MYO3A: variants seen among roughly 807,000 people sequenced by gnomAD.
MYO3A encodes myosin-IIIa.
Under a neutral mutation model 192.7 loss-of-function variants are expected in MYO3A, and 180 were observed. That is an observed-to-expected ratio of 0.93 (90% CI 0.83 to 1.06). The LOEUF (loss-of-function observed/expected upper bound fraction) is 1.06. Ranked by LOEUF, MYO3A falls within the 50% of genes least tolerant of loss-of-function variation. The pLI is 0.00. For missense variants in MYO3A, 1,896 were observed against 1,905.0 expected, an observed-to-expected ratio of 1.00 and a Z score of 0.09; for synonymous variants, 628 against 645.3, an observed-to-expected ratio of 0.97 and a Z score of 0.41.
intron 10 of MYO3A, among the ~76,000 whole-genome samples, chr10:26,029,252 A>G (rs1250985627): frequency 2.0e-5 from 3 of 151,808 alleles, no homozygotes; most frequent in Non-Finnish European, 4.4e-5. Context: ...AGTCTTGTTT[A>G]TCCTGTTAAA....
intron 6 of MYO3A, 132 bp downstream of exon 6, chr10:25,997,390 A>G: frequency 4.1e-6 from 3 of 739,780 alleles, no homozygotes; most frequent in Non-Finnish European, 7.1e-6. Flanking sequence ...TTATTGAGGT[A>G]AGAAGTGCAG....
chr10:25,940,659 C>T (rs978868502), intron 2 of MYO3A, among the ~76,000 whole-genome samples: 6 of 152,080 alleles, frequency 3.9e-5, no homozygotes, highest in East Asian at 3.9e-4. Context: ...TGAAAAATAC[C>T]TTCATTTTGC....
intron 6 of MYO3A, among the ~76,000 whole-genome samples, chr10:26,016,408 C>G (rs1427873352): frequency 6.6e-6 from 1 of 152,208 alleles, no homozygotes; most frequent in Non-Finnish European, 1.5e-5. Context: ...CATTCTCAAA[C>G]TCACTGGAAT....
At chr10:25,954,851 T>C (rs1837437224) in intron 3 of MYO3A, 23 bp from the exon 4 acceptor site, 29 of 1,607,236 alleles carry the variant, frequency 1.8e-5, no homozygotes, top group Non-Finnish European at 2.4e-5. Context: ...CACAGTTCTA[T>C]TCTTATGACT....
chr10:26,075,707 GTCTC>G (rs1237792218), intron 14 of MYO3A, among the ~76,000 whole-genome samples: 10 of 136,520 alleles, frequency 7.3e-5, no homozygotes, highest in East Asian at 4.1e-4. Flanking sequence ...ATATATATAT[GTCTC>G]TCTCATATAT....
chr10:26,183,262 C>T (rs1032152670), intron 31 of MYO3A, among the ~76,000 whole-genome samples: 1 of 152,298 alleles, frequency 6.6e-6, no homozygotes, highest in Non-Finnish European at 1.5e-5. Context: ...TGGTGGCTCA[C>T]GCCTGTAATC....
chr10:25,945,124 C>T (rs904100899), intron 2 of MYO3A, among the ~76,000 whole-genome samples: 6 of 151,930 alleles, frequency 3.9e-5, no homozygotes, highest in African/African-American at 1.2e-4. Flanking sequence ...TCAGTTTTCT[C>T]TTGTAATTTC....
chr10:26,193,356 C>T, intron 32 of MYO3A, 45 bp downstream of exon 32: 1 of 1,436,174 alleles, frequency 7.0e-7, no homozygotes, highest in South Asian at 1.2e-5. Flanking sequence ...ATCACATCTA[C>T]TAATGGCCAG....
intron 34 of MYO3A, among the ~76,000 whole-genome samples, chr10:26,208,737 T>C (rs531075015): frequency 6.6e-6 from 1 of 152,314 alleles, no homozygotes; most frequent in South Asian, 2.1e-4. Context: ...CCAAAGGTTT[T>C]TTTCTTTTTC....
At chr10:26,040,824 C>T (rs1843305280) in intron 10 of MYO3A, among the ~76,000 whole-genome samples, 1 of 152,078 alleles carries the variant, frequency 6.6e-6, no homozygotes, top group South Asian at 2.1e-4. Context: ...TATCATATAT[C>T]TTTGAGAATT....
At chr10:26,101,243 T>G (rs1837432308) in intron 17 of MYO3A, among the ~76,000 whole-genome samples, 2 of 152,228 alleles carry the variant, frequency 1.3e-5, no homozygotes, top group Middle Eastern at 3.2e-3. Flanking sequence ...GTTTTCCATT[T>G]GCTTGGTGGA....
chr10:26,080,988 C>T (rs912743622), intron 14 of MYO3A, among the ~76,000 whole-genome samples: 4 of 152,098 alleles, frequency 2.6e-5, no homozygotes, highest in Admixed American at 6.5e-5. Context: ...CATGAAGTTT[C>T]TTAGCTTTGG....
intron 10 of MYO3A, among the ~76,000 whole-genome samples, chr10:26,030,513 G>A (rs1269230026): frequency 6.6e-6 from 1 of 151,998 alleles, no homozygotes; most frequent in Non-Finnish European, 1.5e-5. Flanking sequence ...ACATACTCAG[G>A]CAAAAGAAAA....
At chr10:26,189,732 T>C (rs1473695947) in intron 31 of MYO3A, among the ~76,000 whole-genome samples, 1 of 152,148 alleles carries the variant, frequency 6.6e-6, no homozygotes, top group Non-Finnish European at 1.5e-5. Flanking sequence ...ATCATAAATT[T>C]TTGAAACTTG....
chr10:25,997,046 T>C, intron 5 of MYO3A, 113 bp from the exon 6 acceptor site: 2 of 782,016 alleles, frequency 2.6e-6, no homozygotes, highest in East Asian at 5.3e-5. Flanking sequence ...TTTGAGTGTC[T>C]GAATGTTAAT....
Position 25,987,735 on chromosome 10 carries a change from G to C in MYO3A, c.304-8755G>C, listed in dbSNP as rs375558178. On this transcript the variant is annotated intron_variant, in intron 4 of 34. Coordinates refer to ENST00000642920, the MANE Select transcript of MYO3A (RefSeq NM_017433.5). ...ATGTTCGCATGGAAGCATTGAAAAG[G>C]GAATATTTTTACACTCCCATCAACA... Among the ~76,000 whole-genome samples, 253 of 152,170 alleles carry C rather than the reference G, an allele frequency of 1.7e-3. 10 individuals carry two copies. In the South Asian group the frequency reaches 0.051, roughly 31 times the overall value.
At chr10:26,158,659 C>A (rs938409193) in intron 26 of MYO3A, among the ~76,000 whole-genome samples, 15 of 151,866 alleles carry the variant, frequency 9.9e-5, no homozygotes, top group Admixed American at 6.6e-5. Context: ...GGTTCAATAT[C>A]TTATATATTT....
chr10:26,031,297 G>A (rs1382532028), intron 10 of MYO3A, among the ~76,000 whole-genome samples: 1 of 152,214 alleles, frequency 6.6e-6, no homozygotes, highest in Non-Finnish European at 1.5e-5. Context: ...CCTTCCTCAA[G>A]AATCACCAGC....
At chr10:26,081,142 C>CTT (rs1835920420) in intron 14 of MYO3A, among the ~76,000 whole-genome samples, 15 of 93,750 alleles carry the variant, frequency 1.6e-4, no homozygotes, top group African/African-American at 4.8e-4. Context: ...TTCCCCCCCC[C>CTT]CCCGCCCCCG....
Sources: allele counts gnomAD v4.1 joint callset (sites outside exome capture counted in the v4.1 genomes callset), GRCh38; gene constraint gnomAD v4.1.1; transcripts MANE v1.5; gene names NCBI Gene and HGNC (gene_info 2026-07-23, HGNC 2026-07-21).